The following ACTR3C variants were observed in gnomAD, a reference collection of about 807,000 sequenced individuals.
ACTR3C encodes the protein actin-related protein 3C.
ACTR3C carries 18 observed loss-of-function variants against 26.3 expected under a neutral mutation model. The ratio of observed to expected loss-of-function variants is 0.68; its 90% CI spans 0.47 to 1.01. The LOEUF is 1.01. Among genes scored for constraint, ACTR3C ranks in the 50% least tolerant of loss-of-function variants. ACTR3C has a pLI of 0.00. For missense variants in ACTR3C, 184 were observed against 250.7 expected, an observed-to-expected ratio of 0.73 and a Z score of 1.80; for synonymous variants, 55 against 94.5, an observed-to-expected ratio of 0.58 and a Z score of 2.42.
At chr7:149,887,984 G>C in the ACTR3C span, among the ~76,000 whole-genome samples, 1 of 152,012 alleles carries the variant, frequency 6.6e-6, no homozygotes, top group Admixed American at 6.5e-5. Context: ...GGAACTGTAA[G>C]ACCAATTAAA....
At chr7:150,059,320 C>T in the ACTR3C span, among the ~76,000 whole-genome samples, 1 of 152,152 alleles carries the variant, frequency 6.6e-6, no homozygotes, top group Non-Finnish European at 1.5e-5. Flanking sequence ...CACATATGGC[C>T]GCCTGTAGCT....
chr7:149,917,525 A>G, the ACTR3C span, among the ~76,000 whole-genome samples: 141,783 of 152,096 alleles, frequency 0.93, 66,929 homozygotes, highest in East Asian at 1. Context: ...TTTATATATA[A>G]TTGAAACTCC....
At chr7:149,928,321 T>G in the ACTR3C span, among the ~76,000 whole-genome samples, 1 of 150,188 alleles carries the variant, frequency 6.7e-6, no homozygotes, top group Non-Finnish European at 1.5e-5. Context: ...CTCAGCCTCC[T>G]GAGTAGCTGG....
downstream of ACTR3C, among the ~76,000 whole-genome samples, chr7:150,240,909 T>C (rs1274594157): frequency 5.3e-5 from 8 of 152,092 alleles, no homozygotes; most frequent in Admixed American, 4.6e-4. Flanking sequence ...ACGCTAGCAA[T>C]GAAAAGTTGA....
At chr7:150,101,791 T>C in the ACTR3C span, among the ~76,000 whole-genome samples, 45 of 151,882 alleles carry the variant, frequency 3.0e-4, no homozygotes, top group East Asian at 5.6e-3. Flanking sequence ...TAATTGACTC[T>C]CTATCAATGG....
chr7:149,926,250 C>T, the ACTR3C span, among the ~76,000 whole-genome samples: 37 of 152,172 alleles, frequency 2.4e-4, no homozygotes, highest in Non-Finnish European at 8.8e-5. Context: ...CAACGTATAT[C>T]ATTAAGGGTT....
At chr7:149,942,176 G>T in the ACTR3C span, among the ~76,000 whole-genome samples, 41,173 of 152,080 alleles carry the variant, frequency 0.27, 6,215 homozygotes, top group South Asian at 0.37. Context: ...TATGAGTAAA[G>T]TTCTTTTAAA....
At chr7:150,233,987 A>C in the ACTR3C span, among the ~76,000 whole-genome samples, 1 of 152,166 alleles carries the variant, frequency 6.6e-6, no homozygotes, top group Admixed American at 6.5e-5. Context: ...CTGGCTGAGA[A>C]TCAAGCTATA....
the ACTR3C span, among the ~76,000 whole-genome samples, chr7:149,942,796 C>T: frequency 4.7e-5 from 7 of 150,040 alleles, no homozygotes; most frequent in Non-Finnish European, 1.5e-5. Flanking sequence ...CTTGGATCAC[C>T]AACAAATATA....
the ACTR3C span, among the ~76,000 whole-genome samples, chr7:150,048,259 C>A: frequency 6.6e-6 from 1 of 152,210 alleles, no homozygotes; most frequent in Non-Finnish European, 1.5e-5. Context: ...GAAACCCGCA[C>A]ACATTCCGAG....
chr7:149,903,531 A>G, the ACTR3C span, among the ~76,000 whole-genome samples: 3 of 150,884 alleles, frequency 2.0e-5, no homozygotes, highest in Admixed American at 1.3e-4. Context: ...AAACTATGGA[A>G]GAGTTGTCTT....
At chr7:149,957,014 G>C in the ACTR3C span, among the ~76,000 whole-genome samples, 1 of 152,144 alleles carries the variant, frequency 6.6e-6, no homozygotes, top group African/African-American at 2.4e-5. Flanking sequence ...CATACAGACT[G>C]GCTGTGAGAG....
At chr7:149,918,279 TAA>T in the ACTR3C span, among the ~76,000 whole-genome samples, 1 of 152,174 alleles carries the variant, frequency 6.6e-6, no homozygotes, top group Non-Finnish European at 1.5e-5. Flanking sequence ...TAAAGTGTTT[TAA>T]AAGTGTTTTA....
chr7:150,092,726 T>G, the ACTR3C span, among the ~76,000 whole-genome samples: 94,831 of 148,162 alleles, frequency 0.64, 30,885 homozygotes, highest in East Asian at 0.82. Flanking sequence ...TCACGGCATG[T>G]TATGCCTCAG....
At chr7:150,243,979 C>A (rs368112335), downstream of ACTR3C, 1 of 151,714 alleles carries the variant, frequency 6.6e-6, no homozygotes, top group African/African-American at 2.4e-5. Context: ...TGGTGCCTAC[C>A]TCTGAGTGTA....
chr7:150,079,443 C>A, the ACTR3C span, among the ~76,000 whole-genome samples: 1 of 152,172 alleles, frequency 6.6e-6, no homozygotes, highest in East Asian at 1.9e-4. Context: ...CAGCAGCAAA[C>A]GTTCACAGAG....
chr7:150,197,602 T>C, the ACTR3C span, among the ~76,000 whole-genome samples: 1 of 152,236 alleles, frequency 6.6e-6, no homozygotes, highest in South Asian at 2.1e-4. Flanking sequence ...TTTAAGTTAA[T>C]GCTTGTTAGT....
chr7:150,306,193 TC>T (rs1270103561), intron 1 of ACTR3C, among the ~76,000 whole-genome samples: 1 of 152,112 alleles, frequency 6.6e-6, no homozygotes, highest in Non-Finnish European at 1.5e-5. Flanking sequence ...ACCAAACCCC[TC>T]CAATTCCATC....
intron 5 of ACTR3C, among the ~76,000 whole-genome samples, chr7:150,285,094 A>C (rs993702984): frequency 1.3e-5 from 2 of 152,240 alleles, no homozygotes; most frequent in African/African-American, 4.8e-5. Flanking sequence ...CATCACAGAC[A>C]GACCACCCCC....
Sources: allele counts gnomAD v4.1 joint callset (sites outside exome capture counted in the v4.1 genomes callset), GRCh38; gene constraint gnomAD v4.1.1; transcripts MANE v1.5; gene names NCBI Gene and HGNC (gene_info 2026-07-23, HGNC 2026-07-21).